FRMD6: variants seen among roughly 807,000 people sequenced by gnomAD.
FRMD6 encodes FERM domain containing 6.
Under a neutral mutation model 73.2 loss-of-function variants are expected in FRMD6, and 37 were observed. That is an observed-to-expected ratio of 0.51 (90% CI 0.39 to 0.66). The LOEUF is 0.66. FRMD6 is among the 30% of genes least tolerant of loss of function. The probability of loss-of-function intolerance (pLI) is 0.00; values close to 1 mark genes in which losing one functional copy is unlikely to be tolerated. For missense variants in FRMD6, 714 were observed against 780.5 expected (o/e 0.91, Z 1.02); for synonymous variants, 273 against 282.2 (o/e 0.97, Z 0.33).
chr14:51,453,822 T>C, the FRMD6 span, among the ~76,000 whole-genome samples: 1 of 152,156 alleles, frequency 6.6e-6, no homozygotes, highest in Non-Finnish European at 1.5e-5. Flanking sequence ...ACACAGTTAG[T>C]TTTTGCTAGG....
chr14:51,626,800 A>G (rs1891132457), intron 2 of FRMD6, among the ~76,000 whole-genome samples: 3 of 152,230 alleles, frequency 2.0e-5, no homozygotes. Flanking sequence ...CAAAATAGAG[A>G]TAACTATTGT....
chr14:51,445,464 C>A, the FRMD6 span, among the ~76,000 whole-genome samples: 1 of 121,882 alleles, frequency 8.2e-6, no homozygotes, highest in Non-Finnish European at 1.7e-5. Flanking sequence ...ACCCCTGAAA[C>A]AGAAGTGCAA....
intron 2 of FRMD6, among the ~76,000 whole-genome samples, chr14:51,587,655 C>G (rs1318484322): frequency 6.6e-6 from 1 of 152,062 alleles, no homozygotes; most frequent in East Asian, 1.9e-4. Context: ...CATGTGTAAT[C>G]TTACTAAGAG....
intron 1 of FRMD6, among the ~76,000 whole-genome samples, chr14:51,566,034 G>A (rs890546593): frequency 6.6e-6 from 1 of 152,054 alleles, no homozygotes; most frequent in Non-Finnish European, 1.5e-5. Flanking sequence ...GTGTGGTGGC[G>A]GGCGCCTGTA....
At chr14:51,538,436 C>T (rs1886022615) in intron 1 of FRMD6, among the ~76,000 whole-genome samples, 1 of 152,022 alleles carries the variant, frequency 6.6e-6, no homozygotes, top group African/African-American at 2.4e-5. Flanking sequence ...TCCTTTGTCA[C>T]ATGTGAATTT....
the FRMD6 span, among the ~76,000 whole-genome samples, chr14:51,423,592 G>A: frequency 0.3 from 45,611 of 151,898 alleles, 7,348 homozygotes; most frequent in African/African-American, 0.41. Context: ...TGGCCCAGGT[G>A]GTTAAACTCC....
At chr14:51,418,490 G>A in the FRMD6 span, among the ~76,000 whole-genome samples, 9 of 152,310 alleles carry the variant, frequency 5.9e-5, no homozygotes, top group African/African-American at 1.9e-4. Flanking sequence ...AGTAGAGGCT[G>A]CAGAACAGCA....
intron 6 of FRMD6, among the ~76,000 whole-genome samples, chr14:51,705,633 C>T (rs1452943151): frequency 6.6e-6 from 1 of 152,066 alleles, no homozygotes; most frequent in Non-Finnish European, 1.5e-5. Flanking sequence ...TCTTGCCTTT[C>T]CTTCTCAGTA....
intron 2 of FRMD6, among the ~76,000 whole-genome samples, chr14:51,572,216 C>T (rs1596629592): frequency 6.6e-6 from 1 of 152,176 alleles, no homozygotes; most frequent in Non-Finnish European, 1.5e-5. Context: ...GCCCTTGGAG[C>T]AAAATTTGAA....
the FRMD6 span, among the ~76,000 whole-genome samples, chr14:51,468,392 A>C: frequency 2.0e-5 from 3 of 151,794 alleles, no homozygotes; most frequent in Admixed American, 2.0e-4. Flanking sequence ...ACTTTTTCTA[A>C]ATTTATTTTA....
At chr14:51,669,328 A>G (rs988620971) in intron 1 of FRMD6, among the ~76,000 whole-genome samples, 1 of 152,234 alleles carries the variant, frequency 6.6e-6, no homozygotes, top group Non-Finnish European at 1.5e-5. Context: ...TGGAGCTATT[A>G]TGAATGAAGT....
chr14:51,465,165 A>G, the FRMD6 span, among the ~76,000 whole-genome samples: 1 of 152,220 alleles, frequency 6.6e-6, no homozygotes, highest in African/African-American at 2.4e-5. Context: ...GAAAATTAAC[A>G]CAGATATTAT....
chr14:51,716,960 G>C (rs959271074), intron 10 of FRMD6, among the ~76,000 whole-genome samples: 48 of 152,274 alleles, frequency 3.2e-4, no homozygotes, highest in Non-Finnish European at 6.8e-4. Flanking sequence ...AAGTTGATTT[G>C]TTCTATCAGC....
At chr14:51,689,339 G>A (rs1407693766) in intron 1 of FRMD6, among the ~76,000 whole-genome samples, 4 of 152,178 alleles carry the variant, frequency 2.6e-5, no homozygotes, top group Non-Finnish European at 5.9e-5. Flanking sequence ...TATTGCTGTT[G>A]TTTTTGCCAT....
intron 1 of FRMD6, among the ~76,000 whole-genome samples, chr14:51,522,330 C>A (rs867316859): frequency 2.0e-5 from 3 of 152,102 alleles, no homozygotes; most frequent in African/African-American, 7.2e-5. Flanking sequence ...GTGTATCTTA[C>A]ATGTGGTTAT....
intron 2 of FRMD6, among the ~76,000 whole-genome samples, chr14:51,626,110 G>A (rs1891103947): frequency 6.6e-6 from 1 of 152,214 alleles, no homozygotes; most frequent in Non-Finnish European, 1.5e-5. Context: ...TTCTATGAAG[G>A]TGGTACATAC....
intron 1 of FRMD6, among the ~76,000 whole-genome samples, chr14:51,518,499 T>G (rs184746692): frequency 1.3e-5 from 2 of 152,330 alleles, no homozygotes. Context: ...TAATGTTCCC[T>G]GTAACTTTCT....
upstream of FRMD6, among the ~76,000 whole-genome samples, chr14:51,648,187 T>C (rs1892166417): frequency 6.6e-6 from 1 of 152,212 alleles, no homozygotes; most frequent in African/African-American, 2.4e-5. Context: ...CTAATCTTAA[T>C]TGTCAACATA....
intron 1 of FRMD6, chr14:51,491,307 T>C (rs188448408): frequency 3.3e-5 from 5 of 152,406 alleles, no homozygotes; most frequent in Non-Finnish European, 7.3e-5. Flanking sequence ...CACATGCGCT[T>C]CCTTTTCACT....
Sources: allele counts gnomAD v4.1 joint callset (sites outside exome capture counted in the v4.1 genomes callset), GRCh38; gene constraint gnomAD v4.1.1; transcripts MANE v1.5; gene names NCBI Gene and HGNC (gene_info 2026-07-23, HGNC 2026-07-21).